COL5A2: variants seen among roughly 807,000 people sequenced by gnomAD.
COL5A2 encodes collagen type V alpha 2 chain.
COL5A2 carries 23 observed loss-of-function variants against 208.2 expected under a neutral mutation model. The ratio of observed to expected loss-of-function variants is 0.11; its 90% CI spans 0.08 to 0.16. The LOEUF is 0.16. Ranked by LOEUF, COL5A2 falls within the 10% of genes least tolerant of loss-of-function variation. The pLI, the probability that COL5A2 is intolerant of heterozygous loss-of-function variation, is 1.00. For missense variants in COL5A2, 1,590 were observed against 1,956.4 expected (o/e 0.81, Z 3.53); for synonymous variants, 625 against 628.5 (o/e 0.99, Z 0.08).
At chr2:189,287,274 A>T in the COL5A2 span, among the ~76,000 whole-genome samples, 1 of 152,200 alleles carries the variant, frequency 6.6e-6, no homozygotes, top group African/African-American at 2.4e-5. Context: ...CATTAAAGGT[A>T]TAAAATTTTT....
At position 189,045,162 on chromosome 2, in the gene COL5A2, A is replaced by C; in HGVS notation, c.3363+17T>G. On this transcript the variant is annotated intron_variant, in intron 47 of 53. Coordinates refer to ENST00000374866, the MANE Select transcript of COL5A2 (RefSeq NM_000393.5). ...TATAAGAAAACATTTTTTAAAAAAC[A>C]AAAAAAGAGAACTTACAGGTAATCC... The C allele has an allele frequency of 6.3e-7, 1 of 1,586,066 alleles. No homozygotes were observed.
the COL5A2 span, among the ~76,000 whole-genome samples, chr2:189,312,336 G>T: frequency 1.3e-5 from 2 of 152,038 alleles, no homozygotes; most frequent in Non-Finnish European, 2.9e-5. Flanking sequence ...CAGACCCCTG[G>T]CCATTCCCAT....
the COL5A2 span, among the ~76,000 whole-genome samples, chr2:189,266,473 G>A: frequency 6.6e-6 from 1 of 151,798 alleles, no homozygotes; most frequent in Non-Finnish European, 1.5e-5. Flanking sequence ...CCACATGGAT[G>A]ACCCTTAAAA....
chr2:189,331,519 C>T, the COL5A2 span, among the ~76,000 whole-genome samples: 1 of 152,058 alleles, frequency 6.6e-6, no homozygotes, highest in Non-Finnish European at 1.5e-5. Context: ...GTGAATAAGT[C>T]TCATGAGATC....
At chr2:189,088,232 T>G (rs1459292726) in intron 8 of COL5A2, among the ~76,000 whole-genome samples, 2 of 152,142 alleles carry the variant, frequency 1.3e-5, no homozygotes, top group African/African-American at 2.4e-5. Flanking sequence ...TTGAGAAGAC[T>G]CAGCCAGGAA....
intron 31 of COL5A2, 144 bp downstream of exon 31, chr2:189,060,586 T>G: frequency 1.4e-6 from 1 of 699,018 alleles, no homozygotes. Flanking sequence ...ATGGAGATAA[T>G]GATAGTACCT....
At chr2:189,059,072 T>C (rs1486285735) in intron 31 of COL5A2, among the ~76,000 whole-genome samples, 179 bp from the exon 32 acceptor site, 1 of 152,172 alleles carries the variant, frequency 6.6e-6, no homozygotes, top group Non-Finnish European at 1.5e-5. Context: ...ATTACATGTT[T>C]TAGATGAAAA....
the COL5A2 span, among the ~76,000 whole-genome samples, chr2:189,435,864 A>G: frequency 6.6e-6 from 1 of 152,206 alleles, no homozygotes; most frequent in Non-Finnish European, 1.5e-5. Context: ...GCTGCTATAA[A>G]GACACACGCA....
the COL5A2 span, among the ~76,000 whole-genome samples, chr2:189,430,750 T>C: frequency 6.6e-6 from 1 of 152,212 alleles, no homozygotes; most frequent in Admixed American, 6.5e-5. Flanking sequence ...TCCACTTCTG[T>C]GGGCAGGGCA....
intron 46 of COL5A2, 109 bp from the exon 47 acceptor site, chr2:189,045,341 T>C: frequency 3.5e-6 from 1 of 287,598 alleles, no homozygotes; most frequent in South Asian, 4.7e-5. Context: ...TATATATATA[T>C]GTGTGTGTGT....
At chr2:189,284,562 G>A in the COL5A2 span, among the ~76,000 whole-genome samples, 7 of 152,030 alleles carry the variant, frequency 4.6e-5, no homozygotes, top group African/African-American at 1.7e-4. Flanking sequence ...GGGGAAGTCC[G>A]CCCCCATGAT....
chr2:189,088,558 T>TC (rs1416055417), intron 8 of COL5A2, 137 bp downstream of exon 8: 1 of 662,002 alleles, frequency 1.5e-6, no homozygotes, highest in Admixed American at 2.5e-5. Flanking sequence ...ATAAGTTAAT[T>TC]AAATGAATGA....
At chr2:189,225,708 A>T (rs1689407312), upstream of COL5A2, among the ~76,000 whole-genome samples, 1 of 152,210 alleles carries the variant, frequency 6.6e-6, no homozygotes, top group Non-Finnish European at 1.5e-5. Context: ...GCAAAAAAAA[A>T]TAAGCAAACA....
At chr2:189,121,718 C>T (rs1238982443) in intron 1 of COL5A2, among the ~76,000 whole-genome samples, 2 of 105,182 alleles carry the variant, frequency 1.9e-5, no homozygotes, top group Non-Finnish European at 3.4e-5. Context: ...GCCTGGGTGA[C>T]AGAGTGAGAC....
the COL5A2 span, among the ~76,000 whole-genome samples, chr2:189,432,573 A>G: frequency 6.6e-6 from 1 of 152,250 alleles, no homozygotes; most frequent in Non-Finnish European, 1.5e-5. Flanking sequence ...AAATATTAAA[A>G]GAGACAAAAA....
chr2:189,390,035 C>A, the COL5A2 span, among the ~76,000 whole-genome samples: 2 of 152,066 alleles, frequency 1.3e-5, no homozygotes, highest in South Asian at 2.1e-4. Flanking sequence ...TTCTAATGAA[C>A]AAAATGACTG....
the COL5A2 span, among the ~76,000 whole-genome samples, chr2:189,234,024 T>C: frequency 1.3e-5 from 2 of 151,796 alleles, no homozygotes; most frequent in East Asian, 1.9e-4. Context: ...CTCTTCTATT[T>C]GATGGTCTAT....
the COL5A2 span, among the ~76,000 whole-genome samples, chr2:189,271,764 A>G: frequency 1.2e-4 from 19 of 152,228 alleles, no homozygotes; most frequent in Non-Finnish European, 1.9e-4. Context: ...TATCCATCTG[A>G]CAAAGGGTTA....
the COL5A2 span, among the ~76,000 whole-genome samples, chr2:189,409,202 C>CTTTTTTTTTTTTTTTT: frequency 1.1e-5 from 1 of 89,782 alleles, no homozygotes; most frequent in Non-Finnish European, 2.6e-5. Context: ...TATAAATTTA[C>CTTTTTTTTTTTTTTTT]TCTTTTTTTT....
Sources: allele counts gnomAD v4.1 joint callset (sites outside exome capture counted in the v4.1 genomes callset), GRCh38; gene constraint gnomAD v4.1.1; transcripts MANE v1.5; gene names NCBI Gene and HGNC (gene_info 2026-07-23, HGNC 2026-07-21).